The following ARL15 variants were observed in gnomAD, a reference collection of about 807,000 sequenced individuals.
The protein encoded by ARL15 is ARF like GTPase 15.
In ARL15, 19 loss-of-function variants were observed where a neutral mutation model predicts 25.2. The observed-to-expected ratio is 0.75, with a 90% CI of 0.53 to 1.10. The LOEUF (loss-of-function observed/expected upper bound fraction) is 1.10, where lower values mean the gene tolerates loss of function less well. ARL15 is among the 50% of genes least tolerant of loss of function. The pLI is 0.00. For missense variants in ARL15, 220 were observed against 246.0 expected, an observed-to-expected ratio of 0.89 and a Z score of 0.71; for synonymous variants, 94 against 86.8, an observed-to-expected ratio of 1.08 and a Z score of -0.46.
At chr5:54,007,344 T>C (rs564197883) in intron 4 of ARL15, among the ~76,000 whole-genome samples, 2 of 152,290 alleles carry the variant, frequency 1.3e-5, no homozygotes, top group African/African-American at 4.8e-5. Flanking sequence ...CTTGGTCAAT[T>C]TCTTTACTAC....
intron 4 of ARL15, among the ~76,000 whole-genome samples, chr5:53,988,057 C>G (rs1664792): frequency 0.64 from 97,147 of 151,590 alleles, 31,541 homozygotes; most frequent in East Asian, 0.86. Flanking sequence ...GAGCAGAGAT[C>G]GGGCCACTGC....
At chr5:54,096,665 C>T (rs888449552) in intron 4 of ARL15, among the ~76,000 whole-genome samples, 3 of 152,182 alleles carry the variant, frequency 2.0e-5, no homozygotes, top group Non-Finnish European at 2.9e-5. Context: ...TCCACCTTGG[C>T]CTCCCATGTG....
chr5:54,247,754 G>A lies in ARL15; in HGVS notation c.48+62678C>T, dbSNP rs546432792. On this transcript the variant is annotated intron_variant, in intron 1 of 4. Coordinates refer to ENST00000504924, the MANE Select transcript of ARL15 (RefSeq NM_019087.3). ...CACATTAGCAACGTATTTTTGATGT[G>A]TATAGAACATCCTTACTCAATATAA... Among the ~76,000 whole-genome samples, 11 of 152,162 alleles carry A rather than the reference G, an allele frequency of 7.2e-5. No homozygotes were observed. In the East Asian group the frequency reaches 2.1e-3, roughly 29 times the overall value.
At chr5:54,212,958 T>C (rs1579916498) in intron 1 of ARL15, among the ~76,000 whole-genome samples, 1 of 152,326 alleles carries the variant, frequency 6.6e-6, no homozygotes, top group East Asian at 1.9e-4. Context: ...AGTTGTTAAA[T>C]TAGATGTCTC....
chr5:54,213,992 G>C (rs1018234704), intron 1 of ARL15, among the ~76,000 whole-genome samples: 1 of 152,082 alleles, frequency 6.6e-6, no homozygotes, highest in East Asian at 1.9e-4. Flanking sequence ...ATATATGAGA[G>C]AGAAGTCTTT....
chr5:53,982,715 TG>T, intron 4 of ARL15, among the ~76,000 whole-genome samples: 1 of 152,332 alleles, frequency 6.6e-6, no homozygotes, highest in African/African-American at 2.4e-5. Context: ...ATGGGATTGC[TG>T]GGTCAAATGG....
chr5:54,015,151 A>G lies in ARL15; in HGVS notation c.462+98051T>C, dbSNP rs190220963. Reference sequence around the variant, plus strand: ...CTACTAAAAATACAAAAAACTAGCCAGGCATGGTGGTGGGCACCTGTAATA... The same window carrying G: ...CTACTAAAAATACAAAAAACTAGCCGGGCATGGTGGTGGGCACCTGTAATA... On this transcript the variant is annotated intron_variant, in intron 4 of 4. Transcript: ENST00000504924. 5.4e-3 allele frequency among the ~76,000 whole-genome samples: 821 copies of G among 152,018 alleles called. 4 individuals are homozygous for G. The highest frequency in any genetic ancestry group is 0.011 in the Admixed American group (168 of 15,262).
chr5:54,189,135 T>C (rs1159171237), intron 1 of ARL15, among the ~76,000 whole-genome samples: 2 of 151,940 alleles, frequency 1.3e-5, no homozygotes, highest in Non-Finnish European at 2.9e-5. Context: ...GCTTGTACAA[T>C]AAAAGCCACA....
intron 4 of ARL15, among the ~76,000 whole-genome samples, chr5:53,915,968 A>C (rs1745632152): frequency 6.6e-6 from 1 of 152,190 alleles, no homozygotes; most frequent in African/African-American, 2.4e-5. Context: ...GTGCAGTGGC[A>C]TGGTCATGGC....
At chr5:53,933,054 A>G (rs145634151) in intron 4 of ARL15, among the ~76,000 whole-genome samples, 1 of 152,180 alleles carries the variant, frequency 6.6e-6, no homozygotes, top group Admixed American at 6.5e-5. Context: ...ACAATAATAA[A>G]ATGAAAAGCT....
At chr5:54,155,706 A>G (rs1021954529) in intron 2 of ARL15, among the ~76,000 whole-genome samples, 2 of 145,856 alleles carry the variant, frequency 1.4e-5, no homozygotes, top group African/African-American at 2.4e-5. Flanking sequence ...ACACACACGC[A>G]CACACACACA....
chr5:53,917,867 C>T lies in ARL15; in HGVS notation c.463-31154G>A, dbSNP rs184038602. On this transcript the variant is annotated intron_variant, in intron 4 of 4. Coordinates refer to ENST00000504924, the MANE Select transcript of ARL15 (RefSeq NM_019087.3). ...TATGAGTCTGCCAGGAATACACTGGCAATCAAAACTGAAGCTGCATTCCTT... is the reference window on the plus strand; with the variant it reads ...TATGAGTCTGCCAGGAATACACTGGTAATCAAAACTGAAGCTGCATTCCTT... Among the ~76,000 whole-genome samples the T allele has an allele frequency of 2.9e-3, 441 of 152,268 alleles. 3 individuals are homozygous for T. Among genetic ancestry groups the T allele is most frequent in the South Asian group, 8.5e-3 (41 of 4,826 alleles).
At chr5:54,107,332 G>C (rs762159137) in intron 4 of ARL15, among the ~76,000 whole-genome samples, 3 of 152,122 alleles carry the variant, frequency 2.0e-5, no homozygotes, top group Non-Finnish European at 4.4e-5. Context: ...GGTTTTCCTA[G>C]TGAATTAGGA....
chr5:54,281,297 G>A (rs1050791510), intron 1 of ARL15, among the ~76,000 whole-genome samples: 7 of 152,080 alleles, frequency 4.6e-5, no homozygotes, highest in African/African-American at 1.4e-4. Context: ...CCGCCACCAC[G>A]CCCAGCTAAT....
At chr5:54,177,511 G>A (rs758664261) in intron 1 of ARL15, among the ~76,000 whole-genome samples, 4 of 152,190 alleles carry the variant, frequency 2.6e-5, no homozygotes, top group Non-Finnish European at 5.9e-5. Flanking sequence ...TAGCACCAAG[G>A]CAGCAAGATT....
intron 4 of ARL15, among the ~76,000 whole-genome samples, chr5:54,065,675 C>A (rs911885449): frequency 7.5e-6 from 1 of 132,904 alleles, no homozygotes; most frequent in East Asian, 2.0e-4. Flanking sequence ...CAAAAACAAA[C>A]AAGCAAACAA....
intron 4 of ARL15, among the ~76,000 whole-genome samples, chr5:53,980,794 C>A (rs978641049): frequency 9.9e-5 from 15 of 152,074 alleles, no homozygotes; most frequent in African/African-American, 3.6e-4. Flanking sequence ...ATCAGAGCAC[C>A]TCACTAATAC....
intron 4 of ARL15, among the ~76,000 whole-genome samples, chr5:54,079,104 A>G (rs1384422880): frequency 6.6e-6 from 1 of 152,214 alleles, no homozygotes; most frequent in East Asian, 1.9e-4. Flanking sequence ...ATTACAATTT[A>G]TATAAAAATA....
chr5:54,153,025 T>G (rs1363229988), intron 3 of ARL15, among the ~76,000 whole-genome samples: 5 of 151,804 alleles, frequency 3.3e-5, no homozygotes, highest in African/African-American at 1.2e-4. Flanking sequence ...AACCAACCAA[T>G]AGTTTCTTAT....
Sources: allele counts gnomAD v4.1 joint callset (sites outside exome capture counted in the v4.1 genomes callset), GRCh38; gene constraint gnomAD v4.1.1; transcripts MANE v1.5; gene names NCBI Gene and HGNC (gene_info 2026-07-23, HGNC 2026-07-21).